OR51B5: variants seen among roughly 807,000 people sequenced by gnomAD.
OR51B5 encodes olfactory receptor family 51 subfamily B member 5.
For missense variants in OR51B5, 456 were observed against 374.6 expected, an observed-to-expected ratio of 1.22 and a Z score of -1.79; for synonymous variants, 186 against 144.8, an observed-to-expected ratio of 1.28 and a Z score of -2.04.
At chr11:5,381,777 C>G (rs1849612156) in intron 1 of OR51B5, among the ~76,000 whole-genome samples, 1 of 152,134 alleles carries the variant, frequency 6.6e-6, no homozygotes, top group Non-Finnish European at 1.5e-5. Context: ...ATGCTGAGTT[C>G]TTTCATTTGG....
intron 1 of OR51B5, among the ~76,000 whole-genome samples, chr11:5,402,171 C>G (rs1014290511): frequency 1.3e-5 from 2 of 151,954 alleles, no homozygotes; most frequent in Non-Finnish European, 2.9e-5. Context: ...TCCAACAAGC[C>G]TGGCTAATTT....
chr11:5,415,624 A>G (rs1012225309), intron 1 of OR51B5, among the ~76,000 whole-genome samples: 46 of 152,336 alleles, frequency 3.0e-4, no homozygotes, highest in Non-Finnish European at 4.7e-4. Context: ...AATACAAACC[A>G]CCATCAGAGA....
At chr11:5,367,327 T>C (rs1209400514) in intron 1 of OR51B5, among the ~76,000 whole-genome samples, 1 of 152,124 alleles carries the variant, frequency 6.6e-6, no homozygotes, top group Admixed American at 6.5e-5. Flanking sequence ...AGCAAGTTAA[T>C]TAAGAAAGTA....
chr11:5,380,104 A>C (rs1849587853), intron 1 of OR51B5, among the ~76,000 whole-genome samples: 1 of 152,142 alleles, frequency 6.6e-6, no homozygotes. Flanking sequence ...TGGTTTCCCA[A>C]AAGGGGTCTC....
At chr11:5,358,951 T>C (rs1301570698) in intron 1 of OR51B5, among the ~76,000 whole-genome samples, 1 of 151,612 alleles carries the variant, frequency 6.6e-6, no homozygotes, top group African/African-American at 2.4e-5. Flanking sequence ...CAACCCTTCA[T>C]GCTAAAAACT....
chr11:5,370,212 T>C (rs569958734), intron 1 of OR51B5, among the ~76,000 whole-genome samples: 1 of 152,338 alleles, frequency 6.6e-6, no homozygotes, highest in African/African-American at 2.4e-5. Flanking sequence ...TCATTAACAG[T>C]CACAGTCTTT....
chr11:5,501,158 T>G lies in OR51B5; in HGVS notation n.84+4411A>C, dbSNP rs1316895916. ...GTTAGCTACTATGGGGCACCAGGACTTAACCTGCAGCCTCTCTCTGACTTG... is the reference window on the plus strand; with the variant it reads ...GTTAGCTACTATGGGGCACCAGGACGTAACCTGCAGCCTCTCTCTGACTTG... On this transcript the variant is annotated intron_variant and non_coding_transcript_variant, in intron 1 of 4. Coordinates refer to the OR51B5 transcript ENST00000415970. Among the ~76,000 whole-genome samples, 3 of 147,796 alleles carry G rather than the reference T, an allele frequency of 2.0e-5. 1 individual carries two copies. The Admixed American group carries it at 2.1e-4, about 10-fold the overall frequency.
At chr11:5,354,234 T>C (rs150429648) in intron 1 of OR51B5, among the ~76,000 whole-genome samples, 2 of 152,336 alleles carry the variant, frequency 1.3e-5, no homozygotes, top group African/African-American at 4.8e-5. Context: ...CTTTCTTCCC[T>C]TGGGCTTTTG....
intron 1 of OR51B5, among the ~76,000 whole-genome samples, chr11:5,430,154 A>G (rs1256673296): frequency 6.6e-6 from 1 of 152,212 alleles, no homozygotes; most frequent in Admixed American, 6.5e-5. Flanking sequence ...ACAGATGTAA[A>G]CCATGAATAT....
At chr11:5,460,384 A>C (rs917958374) in intron 1 of OR51B5, among the ~76,000 whole-genome samples, 29 of 152,226 alleles carry the variant, frequency 1.9e-4, no homozygotes, top group Admixed American at 1.3e-4. Flanking sequence ...TGTACCCTTG[A>C]ACGTAAAAGT....
chr11:5,386,817 A>T (rs1475198193), intron 1 of OR51B5, among the ~76,000 whole-genome samples: 1 of 143,494 alleles, frequency 7.0e-6, no homozygotes, highest in Non-Finnish European at 1.5e-5. Context: ...ATACAGAAAG[A>T]GGGAGAGGGT....
chr11:5,375,437 A>C (rs9666112), intron 1 of OR51B5, among the ~76,000 whole-genome samples: 40,378 of 147,778 alleles, frequency 0.27, 5,818 homozygotes, highest in African/African-American at 0.33. Context: ...AACGAGCAAA[A>C]TAACCAGCTA....
chr11:5,359,186 A>G (rs1849241796), intron 1 of OR51B5, among the ~76,000 whole-genome samples: 1 of 151,792 alleles, frequency 6.6e-6, no homozygotes, highest in African/African-American at 2.4e-5. Context: ...TCAATTAGGA[A>G]AAGAGGAAGT....
intron 1 of OR51B5, among the ~76,000 whole-genome samples, chr11:5,380,806 A>G (rs931665892): frequency 6.6e-6 from 1 of 152,206 alleles, no homozygotes; most frequent in African/African-American, 2.4e-5. Flanking sequence ...GGCAGCTTTC[A>G]GCTGTGTAGT....
chr11:5,368,253 TA>T (rs1849401896), intron 1 of OR51B5, among the ~76,000 whole-genome samples: 2 of 152,242 alleles, frequency 1.3e-5, no homozygotes. Flanking sequence ...TTTTGGGAAT[TA>T]AACAGTTTGG....
At chr11:5,462,708 C>G (rs1319110122) in intron 1 of OR51B5, among the ~76,000 whole-genome samples, 1 of 152,210 alleles carries the variant, frequency 6.6e-6, no homozygotes, top group Non-Finnish European at 1.5e-5. Context: ...ACTTTTCTAC[C>G]TGGGCTGATG....
intron 1 of OR51B5, among the ~76,000 whole-genome samples, chr11:5,372,784 T>C (rs1849465233): frequency 6.6e-6 from 1 of 152,212 alleles, no homozygotes; most frequent in African/African-American, 2.4e-5. Flanking sequence ...TTTTTGCTTT[T>C]GTTACCTGAG....
chr11:5,488,930 C>T (rs1175488110), intron 1 of OR51B5: 1 of 1,614,036 alleles, frequency 6.2e-7, no homozygotes, highest in South Asian at 1.1e-5. Context: ...ACAGACCTGG[C>T]TCTCAGTTCT....
At chr11:5,343,016 T>C (rs761938450) in exon 1 of OR51B5, 16 of 1,613,472 alleles carry the variant, frequency 9.9e-6, no homozygotes, top group Non-Finnish European at 1.3e-5. Context: ...TGAAAGAACA[T>C]GGGAGTGACA....
Sources: gnomAD v4.1 joint callset for allele counts (sites outside exome capture counted in the v4.1 genomes callset) on GRCh38, gnomAD v4.1.1 for gene constraint, MANE v1.5 for transcripts, NCBI Gene and HGNC (gene_info 2026-07-23, HGNC 2026-07-21) for gene names.